PPP1R12B: variants seen among roughly 807,000 people sequenced by gnomAD.
PPP1R12B encodes myosin phosphatase target subunit 2.
Under a neutral mutation model 126.1 loss-of-function variants are expected in PPP1R12B, and 76 were observed. The ratio of observed to expected loss-of-function variants is 0.60; its 90% CI spans 0.50 to 0.73. PPP1R12B has a LOEUF of 0.73. Among genes scored for constraint, PPP1R12B ranks in the 30% least tolerant of loss-of-function variants. The pLI, the probability that PPP1R12B is intolerant of heterozygous loss-of-function variation, is 0.00. For missense variants in PPP1R12B, 1,052 were observed against 1,205.1 expected (o/e 0.87, Z 1.88); for synonymous variants, 356 against 434.7 (o/e 0.82, Z 2.25).
At chr1:202,429,692 C>T (rs1331931528) in intron 6 of PPP1R12B, among the ~76,000 whole-genome samples, 1 of 152,242 alleles carries the variant, frequency 6.6e-6, no homozygotes, top group East Asian at 1.9e-4. Flanking sequence ...TAGGGTGGGA[C>T]ATTAGGGGCC....
intron 1 of PPP1R12B, among the ~76,000 whole-genome samples, chr1:202,382,462 C>G (rs571559143): frequency 2.2e-4 from 32 of 147,542 alleles, no homozygotes; most frequent in African/African-American, 6.7e-4. Flanking sequence ...AAAAAACCCA[C>G]TTTATTTAAA....
rs776007707 is a variant in PPP1R12B at position 202,493,137 on chromosome 1, A to G, written c.1965A>G (p.Gln655=). ...STQGVTLTDL[Q]EAERTFSRSR... ...AGGGTGTCACCCTAACAGACCTTCA[A>G]GAAGCAGAAAGGACATTCAGCCGGT... is the stretch of plus-strand genomic sequence containing the variant. The change falls in exon 15 of 24, where the codon CAA becomes CAG. Residue 655 remains glutamine (Q), a synonymous_variant. Coordinates refer to ENST00000608999, the MANE Select transcript of PPP1R12B (RefSeq NM_002481.4). 13 of 1,611,888 alleles carry G rather than the reference A, an allele frequency of 8.1e-6. No individual in the cohort carries two copies. Among genetic ancestry groups the G allele is most frequent in the Admixed American group, 1.7e-5 (1 of 59,992 alleles).
intron 18 of PPP1R12B, among the ~76,000 whole-genome samples, chr1:202,544,257 AC>A (rs1348776399): frequency 6.6e-6 from 1 of 152,194 alleles, no homozygotes; most frequent in Non-Finnish European, 1.5e-5. Context: ...AAAATTCTAA[AC>A]TACAAATACA....
At position 202,495,578 on chromosome 1, in the gene PPP1R12B, G is replaced by A. The variant is rs1230676564; in HGVS notation, c.2344G>A (p.Glu782Lys). 8.1e-6 allele frequency: 13 copies of A among 1,613,978 alleles called. No individual in the cohort carries two copies. Among genetic ancestry groups the A allele is most frequent in the African/African-American group, 5.3e-5 (4 of 74,934 alleles). ...ATTTTATCTCTGGCCAGAGAATGAAGAAGCAGATTTGGATGAGCAGTCCTC... is the reference window on the plus strand; with the variant it reads ...ATTTTATCTCTGGCCAGAGAATGAAAAAGCAGATTTGGATGAGCAGTCCTC... Reference protein sequence around the residue: ...AKEMDKNENEEADLDEQSSKR... With the variant: ...AKEMDKNENEKADLDEQSSKR... The change falls in exon 17 of 24, where the codon GAA becomes AAA. Residue 782 changes from glutamate to lysine, a missense_variant. Coordinates refer to ENST00000608999, the MANE Select transcript of PPP1R12B (RefSeq NM_002481.4).
intron 23 of PPP1R12B, chr1:202,577,344 T>C (rs987166129): frequency 1.3e-5 from 2 of 152,214 alleles, no homozygotes; most frequent in Non-Finnish European, 2.9e-5. Context: ...AAAAGTTTTA[T>C]TGGAACTGAA....
At chr1:202,574,216 A>T (rs1688886256) in intron 23 of PPP1R12B, among the ~76,000 whole-genome samples, 1 of 151,262 alleles carries the variant, frequency 6.6e-6, no homozygotes. Flanking sequence ...TTTATTTTTT[A>T]AAAATAAATG....
chr1:202,368,080 C>G (rs1432930546), intron 1 of PPP1R12B, among the ~76,000 whole-genome samples: 1 of 152,108 alleles, frequency 6.6e-6, no homozygotes. Context: ...AGCGATTCTC[C>G]TGCCTCAGTT....
rs1681122169 is a variant in PPP1R12B, at chr1:202,508,981, A to G, written c.2490+12159A>G. 6.6e-6 allele frequency among the ~76,000 whole-genome samples: 1 copy of G among 152,260 alleles called. No homozygotes were observed. Among genetic ancestry groups the G allele is most frequent in the Non-Finnish European group, 1.5e-5 (1 of 68,038 alleles). On this transcript the variant is annotated intron_variant, in intron 18 of 23. Transcript: ENST00000608999. The surrounding 1 kb of genome is among the most constrained non-coding windows in gnomAD (Gnocchi z 4.5). Reference sequence around the variant, plus strand: ...AACTCCACTGTTGTAATGGGAAAGCAGCCACAGACAATATGTAACTAAATG... The same window carrying G: ...AACTCCACTGTTGTAATGGGAAAGCGGCCACAGACAATATGTAACTAAATG...
chr1:202,560,553 A>T (rs1346019110), intron 19 of PPP1R12B, among the ~76,000 whole-genome samples: 1 of 152,114 alleles, frequency 6.6e-6, no homozygotes, highest in Admixed American at 6.5e-5. Flanking sequence ...AGTGAGGATG[A>T]CCAGAGGACA....
chr1:202,475,686 G>A (rs1676543520), intron 13 of PPP1R12B, among the ~76,000 whole-genome samples: 1 of 152,090 alleles, frequency 6.6e-6, no homozygotes, highest in South Asian at 2.1e-4. Context: ...CGTAAAATAG[G>A]AATACATTTT....
At chr1:202,535,283 T>C (rs543200883) in intron 18 of PPP1R12B, among the ~76,000 whole-genome samples, 64 of 152,216 alleles carry the variant, frequency 4.2e-4, no homozygotes, top group African/African-American at 1.3e-3. Flanking sequence ...ATTGCTAGCA[T>C]TGGAAATCAT....
chr1:202,366,517 C>CAAAAA (rs10570958), intron 1 of PPP1R12B, among the ~76,000 whole-genome samples: 19 of 73,006 alleles, frequency 2.6e-4, no homozygotes, highest in South Asian at 1.2e-3. Context: ...GACTCCATCT[C>CAAAAA]AAAAAAAAAA....
At chr1:202,451,370 C>T (rs1391062840) in intron 13 of PPP1R12B, among the ~76,000 whole-genome samples, 25 of 148,098 alleles carry the variant, frequency 1.7e-4, no homozygotes, top group African/African-American at 6.3e-4. Context: ...GTGGTGATGA[C>T]TCTTAACGAG....
intron 18 of PPP1R12B, among the ~76,000 whole-genome samples, chr1:202,529,467 G>C (rs536622902): frequency 1.3e-5 from 2 of 152,070 alleles, no homozygotes; most frequent in African/African-American, 2.4e-5. Flanking sequence ...ATTGCTTTTC[G>C]TAGGGCCTTT....
intron 12 of PPP1R12B, 117 bp downstream of exon 12, chr1:202,442,689 AC>A: frequency 8.8e-7 from 1 of 1,135,764 alleles, no homozygotes; most frequent in South Asian, 2.2e-5. Context: ...AAAATGAATT[AC>A]TTTCAGGTTT....
chr1:202,489,699 G>A (rs1174962976), intron 14 of PPP1R12B, among the ~76,000 whole-genome samples: 1 of 152,196 alleles, frequency 6.6e-6, no homozygotes, highest in Non-Finnish European at 1.5e-5. Flanking sequence ...AGGGCTGGGG[G>A]GAAGGCAGAA....
chr1:202,474,101 C>T, intron 13 of PPP1R12B: 2 of 444,178 alleles, frequency 4.5e-6, no homozygotes, highest in South Asian at 1.7e-5. Context: ...TGGGCTTGTT[C>T]CTATTTGCTA....
intron 1 of PPP1R12B, among the ~76,000 whole-genome samples, chr1:202,387,367 A>G (rs1165411591): frequency 6.6e-6 from 1 of 152,194 alleles, no homozygotes; most frequent in Non-Finnish European, 1.5e-5. Context: ...TCTCAAAAAG[A>G]TATGGGGATC....
At chr1:202,388,234 AG>A (rs1663491175) in intron 1 of PPP1R12B, among the ~76,000 whole-genome samples, 1 of 152,152 alleles carries the variant, frequency 6.6e-6, no homozygotes, top group Non-Finnish European at 1.5e-5. Context: ...CCGAGGCTGA[AG>A]GGCAGTGGCA....
Sources: gnomAD v4.1 joint callset for allele counts (sites outside exome capture counted in the v4.1 genomes callset) on GRCh38, gnomAD v4.1.1 for gene constraint, Gnocchi (gnomAD v3.1) non-coding constraint, MANE v1.5 for transcripts, NCBI Gene and HGNC (gene_info 2026-07-23, HGNC 2026-07-21) for gene names.